The following ZWILCH variants were observed in gnomAD, a reference collection of about 807,000 sequenced individuals.
The protein encoded by ZWILCH is zwilch kinetochore protein.
Under a neutral mutation model 79.9 loss-of-function variants are expected in ZWILCH, and 74 were observed. That is an observed-to-expected ratio of 0.93 (90% confidence interval 0.77 to 1.12). The LOEUF (loss-of-function observed/expected upper bound fraction) is 1.12. Among genes scored for constraint, ZWILCH ranks in the 50% most tolerant of loss-of-function variants. The pLI is 0.00. For missense variants in ZWILCH, 694 were observed against 687.5 expected (o/e 1.01, Z -0.11); for synonymous variants, 241 against 228.2 (o/e 1.06, Z -0.51).
Position 66,528,879 on chromosome 15 carries a change from G to T in ZWILCH, c.997G>T (p.Asp333Tyr), listed in dbSNP as rs140914823. The T allele has an allele frequency of 3.1e-5, 50 of 1,613,924 alleles. No individual in the cohort carries two copies. The African/African-American group carries it at 5.9e-4, about 19-fold the overall frequency. The change falls in exon 11 of 19, where the codon GAT (aspartate) becomes TAT (tyrosine). Residue 333 changes from aspartate (D) to tyrosine (Y), a missense_variant. Asp to Tyr is a radical substitution (Grantham distance 160). Coordinates refer to ENST00000307897, the MANE Select transcript of ZWILCH (RefSeq NM_017975.5). ...CTTGAAGCATGACACTGCTGCAGTC[G>T]ATCGTTCCGTCAAGCGTCTTTTCAA... is the stretch of plus-strand genomic sequence containing the variant. ...ETLKHDTAAV[D>Y]RSVKRLFKVR...
intron 5 of ZWILCH, among the ~76,000 whole-genome samples, chr15:66,520,219 C>T (rs1894443044): frequency 6.6e-6 from 1 of 152,166 alleles, no homozygotes; most frequent in South Asian, 2.1e-4. Context: ...CTCCTGGGCT[C>T]AGGCAATCCT....
At chr15:66,544,590 T>C (rs1318093054) in intron 17 of ZWILCH, among the ~76,000 whole-genome samples, 1 of 152,098 alleles carries the variant, frequency 6.6e-6, no homozygotes, top group African/African-American at 2.4e-5. Flanking sequence ...TCCCCCTGGC[T>C]CAGCCTCCCA....
rs141808080 is a variant in ZWILCH at position 66,535,947 on chromosome 15, T to C, written c.1356T>C (p.Ala452=). Residue 452 remains alanine, a synonymous_variant, in exon 15 of 19, where the codon GCT becomes GCC. Coordinates refer to ENST00000307897, the MANE Select transcript of ZWILCH (RefSeq NM_017975.5). Reference sequence around the variant, plus strand: ...TTTCATTCCAGGAATACTTCATTGCTCCATCAGTAGATATACAAGAACAGG... The same window carrying C: ...TTTCATTCCAGGAATACTTCATTGCCCCATCAGTAGATATACAAGAACAGG... ...ASLNHLEYFI[A]PSVDIQEQVY... 92 of 1,603,938 alleles carry C rather than the reference T, an allele frequency of 5.7e-5. No homozygotes were observed. The highest frequency in any genetic ancestry group is 7.1e-5 in the Non-Finnish European group (84 of 1,177,460).
chr15:66,523,484 T>C (rs1894574543), intron 7 of ZWILCH, 193 bp from the exon 8 acceptor site: 1 of 495,576 alleles, frequency 2.0e-6, no homozygotes, highest in Non-Finnish European at 3.6e-6. Flanking sequence ...TTAATTTAGA[T>C]TATTGGGTCA....
chr15:66,535,809 CTT>C (rs879221084), intron 14 of ZWILCH, 122 bp from the exon 15 acceptor site: 1,427 of 607,906 alleles, frequency 2.3e-3, no homozygotes, highest in South Asian at 4.0e-3. Context: ...TTCTTCTGGT[CTT>C]TTTTTTTTTT....
intron 1 of ZWILCH, 58 bp from the exon 2 acceptor site, chr15:66,508,781 AGT>A: frequency 6.2e-7 from 1 of 1,606,534 alleles, no homozygotes; most frequent in Non-Finnish European, 8.5e-7. Context: ...CTGACTCCTG[AGT>A]GTGAATAACG....
rs769613386 is a variant in ZWILCH, at chr15:66,546,686, CTGA to C, written c.*11_*13del. 11 of 1,591,038 alleles carry C rather than the reference CTGA, an allele frequency of 6.9e-6. No homozygotes were observed. The highest frequency in any genetic ancestry group is 1.7e-4 in the Middle Eastern group (1 of 5,978). ...CCAGGTGCATTTCAAGTGAAGTGTG[CTGA>C]TGAAGTCCTCTATAAGGTATTTATG... On this transcript the variant is annotated 3_prime_UTR_variant, in exon 18 of 19. Transcript: ENST00000307897.
At chr15:66,517,430 G>GTGTGTGTGTGTGTGTGTGTATATATATA in intron 4 of ZWILCH, among the ~76,000 whole-genome samples, 97 of 66,480 alleles carry the variant, frequency 1.5e-3, no homozygotes, top group Middle Eastern at 7.9e-3. Context: ...GTGTGTGTGT[G>GTGTGTGTGTGTGTGTGTGTATATATATA]TATATATATA....
intron 8 of ZWILCH, chr15:66,524,444 C>G (rs1894605707): frequency 6.6e-6 from 1 of 152,176 alleles, no homozygotes; most frequent in African/African-American, 2.4e-5. Flanking sequence ...AACCCCCAAC[C>G]CTCATCATAC....
At chr15:66,510,248 G>A (rs1170634976) in intron 2 of ZWILCH, among the ~76,000 whole-genome samples, 1 of 139,844 alleles carries the variant, frequency 7.2e-6, no homozygotes, top group African/African-American at 2.5e-5. Context: ...AATGCCAGGT[G>A]CAGTAGCTTG....
intron 7 of ZWILCH, among the ~76,000 whole-genome samples, chr15:66,522,738 C>T (rs969419644): frequency 4.6e-5 from 7 of 152,222 alleles, no homozygotes; most frequent in African/African-American, 9.6e-5. Flanking sequence ...TTATGTAGTG[C>T]GATCTCAACT....
Position 66,518,866 on chromosome 15 carries a change from T to A in ZWILCH, c.321-13T>A, listed in dbSNP as rs761417441. On this transcript the variant is annotated splice_polypyrimidine_tract_variant and intron_variant, in intron 4 of 18. Coordinates refer to ENST00000307897, the MANE Select transcript of ZWILCH (RefSeq NM_017975.5). ...ATCTCTATCTATAATTTGTCCTTAC[T>A]CTTGTTTTAAAGGCAGTTAATTGGA... The A allele has an allele frequency of 3.7e-6, 6 of 1,611,424 alleles. No homozygotes were observed. Among genetic ancestry groups the A allele is most frequent in the Non-Finnish European group, 5.1e-6 (6 of 1,177,642 alleles).
At chr15:66,529,434 T>C in intron 11 of ZWILCH, 60 bp from the exon 12 acceptor site, 1 of 1,117,880 alleles carries the variant, frequency 8.9e-7, no homozygotes, top group Non-Finnish European at 1.3e-6. Flanking sequence ...TTAAGATTAA[T>C]GATATATTTG....
In ZWILCH at chr15:66,548,339, C is replaced by G; in HGVS notation, c.*27-12C>G. The G allele has an allele frequency of 2.4e-6, 1 of 411,218 alleles. No individual in the cohort carries two copies. The highest frequency in any genetic ancestry group is 4.3e-6 in the Non-Finnish European group (1 of 231,598). The allele number at this position is 411,218 out of a possible 1,614,324, so 25.5% of individuals were successfully genotyped here. On this transcript the variant is annotated splice_polypyrimidine_tract_variant and intron_variant, in intron 18 of 18. Coordinates refer to ENST00000307897, the MANE Select transcript of ZWILCH (RefSeq NM_017975.5). ...TTCTGCTTATTTTTATTTTCTAATT[C>G]TTAAATCCCAGCACAAGCCAAAAAG...
chr15:66,520,574 C>G lies in ZWILCH; in HGVS notation c.521-16C>G. On this transcript the variant is annotated splice_polypyrimidine_tract_variant and intron_variant, in intron 5 of 18. Coordinates refer to ENST00000307897, the MANE Select transcript of ZWILCH (RefSeq NM_017975.5). ...TTGAGTTGTGCCTTTACATTTCTTTCTTTCATTTCCTATAGCTGATAAAAA... is the reference window on the plus strand; with the variant it reads ...TTGAGTTGTGCCTTTACATTTCTTTGTTTCATTTCCTATAGCTGATAAAAA... The G allele has an allele frequency of 7.4e-7, 1 of 1,354,994 alleles. No homozygotes were observed. The allele number at this position is 1,354,994 out of a possible 1,614,324, so 83.9% of individuals were successfully genotyped here.
intron 16 of ZWILCH, among the ~76,000 whole-genome samples, chr15:66,538,668 A>C (rs1895094558): frequency 6.6e-6 from 1 of 152,166 alleles, no homozygotes; most frequent in African/African-American, 2.4e-5. Flanking sequence ...GGTGTGAGCC[A>C]CCATGCTCGG....
In ZWILCH at chr15:66,508,850, T is replaced by C. The variant is rs1893922767; in HGVS notation, c.63T>C (p.Asn21=). 4 of 1,613,984 alleles carry C rather than the reference T, an allele frequency of 2.5e-6. No individual in the cohort carries two copies. Among genetic ancestry groups the C allele is most frequent in the Non-Finnish European group, 3.4e-6 (4 of 1,179,990 alleles). The change falls in exon 2 of 19, where the codon AAT becomes AAC. Residue 21 remains asparagine, a synonymous_variant. Coordinates refer to ENST00000307897, the MANE Select transcript of ZWILCH (RefSeq NM_017975.5). ...TGGTTCTGCGTTTCAGGAAATTTAATGAAGAAAAGAAAGGAATCCGTAAAG... is the reference window on the plus strand; with the variant it reads ...TGGTTCTGCGTTTCAGGAAATTTAACGAAGAAAAGAAAGGAATCCGTAAAG... ...DFYSRLLQKF[N]EEKKGIRKDP... is the part of the protein sequence containing the mutation.
chr15:66,527,395 G>A lies in ZWILCH; in HGVS notation c.913+12G>A. ...GGAATTTCTGAATGGTGTATTACTT[G>A]TTTTATTAATTGAGAATTTATACTT... On this transcript the variant is annotated intron_variant, in intron 9 of 18. Coordinates refer to ENST00000307897, the MANE Select transcript of ZWILCH (RefSeq NM_017975.5). 2 of 1,601,550 alleles carry A rather than the reference G, an allele frequency of 1.2e-6. No homozygotes were observed. Among genetic ancestry groups the A allele is most frequent in the South Asian group, 1.1e-5 (1 of 90,498 alleles).
At chr15:66,547,953 G>T (rs1421197496) in intron 18 of ZWILCH, 1 of 151,118 alleles carries the variant, frequency 6.6e-6, no homozygotes, top group African/African-American at 2.4e-5. Context: ...TGCCCAGCTA[G>T]TTTCTATATT....
Sources: gnomAD v4.1 joint callset for allele counts (sites outside exome capture counted in the v4.1 genomes callset) on GRCh38, gnomAD v4.1.1 for gene constraint, MANE v1.5 for transcripts, NCBI Gene and HGNC (gene_info 2026-07-23, HGNC 2026-07-21) for gene names.